RANBP17: variants seen among roughly 807,000 people sequenced by gnomAD.
RANBP17 encodes RAN binding protein 17.
In RANBP17, 158 loss-of-function variants were observed where a neutral mutation model predicts 141.2. The observed-to-expected ratio is 1.12, with a 90% CI of 0.98 to 1.28. The LOEUF (loss-of-function observed/expected upper bound fraction) is 1.28, where lower values mean the gene tolerates loss of function less well. RANBP17 is among the 50% of genes most tolerant of loss of function. The probability of loss-of-function intolerance (pLI) is 0.00; values close to 1 mark genes in which losing one functional copy is unlikely to be tolerated. For missense variants in RANBP17, 1,438 were observed against 1,290.7 expected, an observed-to-expected ratio of 1.11 and a Z score of -1.75; for synonymous variants, 430 against 450.0, an observed-to-expected ratio of 0.96 and a Z score of 0.56.
chr5:170,994,349 C>A (rs926669597), intron 14 of RANBP17, among the ~76,000 whole-genome samples: 1 of 151,972 alleles, frequency 6.6e-6, no homozygotes, highest in Admixed American at 6.6e-5. Context: ...TAATATAGTG[C>A]TGCTTATTTT....
At chr5:171,062,191 A>T (rs1783927320) in intron 14 of RANBP17, among the ~76,000 whole-genome samples, 1 of 151,908 alleles carries the variant, frequency 6.6e-6, no homozygotes, top group African/African-American at 2.4e-5. Context: ...TGTGAATTTG[A>T]TCCTGTCATT....
chr5:171,154,167 A>G (rs145839114), intron 14 of RANBP17, among the ~76,000 whole-genome samples: 63 of 150,746 alleles, frequency 4.2e-4, no homozygotes, highest in African/African-American at 1.4e-3. Context: ...CATCTTTTCT[A>G]AGAAGATAAT....
At chr5:170,974,536 T>C (rs1777223763) in intron 14 of RANBP17, among the ~76,000 whole-genome samples, 1 of 152,160 alleles carries the variant, frequency 6.6e-6, no homozygotes, top group Admixed American at 6.5e-5. Context: ...GTGGCTCTTT[T>C]AGTCTAGAGT....
At chr5:171,063,831 C>T (rs1000847674) in intron 14 of RANBP17, among the ~76,000 whole-genome samples, 11 of 152,332 alleles carry the variant, frequency 7.2e-5, no homozygotes, top group Non-Finnish European at 5.9e-5. Context: ...TCGAGCTTCC[C>T]GGCTGCTTTG....
At chr5:171,107,635 T>C (rs936964227) in intron 14 of RANBP17, among the ~76,000 whole-genome samples, 1 of 152,200 alleles carries the variant, frequency 6.6e-6, no homozygotes, top group African/African-American at 2.4e-5. Context: ...ATCATGACTC[T>C]AGTCTCTTCT....
chr5:171,055,081 C>A (rs1051020950), intron 14 of RANBP17, among the ~76,000 whole-genome samples: 2 of 152,104 alleles, frequency 1.3e-5, no homozygotes, highest in Non-Finnish European at 1.5e-5. Flanking sequence ...TCAGTGTATT[C>A]CACAACAGTA....
intron 24 of RANBP17, among the ~76,000 whole-genome samples, chr5:171,263,468 A>G (rs1035935745): frequency 2.0e-5 from 3 of 152,246 alleles, no homozygotes; most frequent in Admixed American, 2.0e-4. Flanking sequence ...TATACCAAGT[A>G]GTTGTTAGAA....
intron 24 of RANBP17, among the ~76,000 whole-genome samples, chr5:171,249,025 C>G (rs975656995): frequency 2.6e-5 from 4 of 152,190 alleles, no homozygotes; most frequent in African/African-American, 9.7e-5. Context: ...GGCACAAAGA[C>G]AGGCACGTTC....
chr5:171,144,008 A>G (rs1267928964), intron 14 of RANBP17, among the ~76,000 whole-genome samples: 3 of 152,148 alleles, frequency 2.0e-5, no homozygotes, highest in African/African-American at 7.2e-5. Context: ...ATAGTTGGGA[A>G]GGGCCAGAAC....
chr5:171,217,726 A>G (rs1194590220), intron 21 of RANBP17, among the ~76,000 whole-genome samples: 1 of 151,956 alleles, frequency 6.6e-6, no homozygotes, highest in Non-Finnish European at 1.5e-5. Context: ...TGGTATTTGT[A>G]TTTCTGTGGG....
chr5:171,110,370 G>A (rs1395282250), intron 14 of RANBP17, among the ~76,000 whole-genome samples: 1 of 151,992 alleles, frequency 6.6e-6, no homozygotes, highest in Non-Finnish European at 1.5e-5. Context: ...AACCTTGTCC[G>A]CTCTCTTCTG....
chr5:171,111,579 CCCAGACCTCCAAGA>C (rs1283648236), intron 14 of RANBP17, among the ~76,000 whole-genome samples: 1 of 152,116 alleles, frequency 6.6e-6, no homozygotes, highest in Non-Finnish European at 1.5e-5. Flanking sequence ...CAAAGTGAAA[CCCAGACCTCCAAGA>C]CCTAGCCCAA....
At chr5:170,914,043 G>A (rs1397434255) in intron 7 of RANBP17, 124 bp from the exon 8 acceptor site, 1 of 657,880 alleles carries the variant, frequency 1.5e-6, no homozygotes, top group Non-Finnish European at 2.7e-6. Flanking sequence ...TTAAAAATAG[G>A]CCTAACTGGA....
At chr5:170,943,091 T>A (rs2127478519) in intron 12 of RANBP17, among the ~76,000 whole-genome samples, 1 of 152,314 alleles carries the variant, frequency 6.6e-6, no homozygotes, top group South Asian at 2.1e-4. Flanking sequence ...AGAATCTGTC[T>A]GCCCTTTTAG....
At chr5:171,007,022 G>A (rs924238669) in intron 14 of RANBP17, among the ~76,000 whole-genome samples, 3 of 152,090 alleles carry the variant, frequency 2.0e-5, no homozygotes, top group Admixed American at 1.3e-4. Flanking sequence ...CATGCCTTCC[G>A]GGAGGTCTGG....
rs377097917 is a variant in RANBP17 at position 171,174,684 on chromosome 5, AGGCCCTCT to A, written c.1865+3400_1865+3407del. On this transcript the variant is annotated intron_variant, in intron 16 of 27. Coordinates refer to ENST00000523189, the MANE Select transcript of RANBP17 (RefSeq NM_022897.5). ...CAGAAAGGAAATTTCATTCTCTATC[AGGCCCTCT>A]GTTGGTGGTTGGCCTTTATTACATA... Among the ~76,000 whole-genome samples, 271 of 151,406 alleles carry A rather than the reference AGGCCCTCT, an allele frequency of 1.8e-3. 2 individuals carry two copies. The highest frequency in any genetic ancestry group is 6.4e-3 in the African/African-American group (263 of 41,200).
intron 14 of RANBP17, among the ~76,000 whole-genome samples, chr5:171,160,346 A>G (rs1368295558): frequency 1.3e-5 from 2 of 152,182 alleles, no homozygotes; most frequent in Non-Finnish European, 2.9e-5. Context: ...CTTAGAACAT[A>G]TATCTGTTTT....
chr5:171,203,781 CTAATT>C (rs1284164338), intron 19 of RANBP17, among the ~76,000 whole-genome samples: 3 of 152,110 alleles, frequency 2.0e-5, no homozygotes, highest in African/African-American at 7.2e-5. Flanking sequence ...TTCTTGTTGA[CTAATT>C]TAGACTTAAA....
intron 25 of RANBP17, among the ~76,000 whole-genome samples, chr5:171,291,932 C>T (rs1383882708): frequency 6.6e-6 from 1 of 152,196 alleles, no homozygotes; most frequent in African/African-American, 2.4e-5. Flanking sequence ...AATGAATACA[C>T]AGGAGAACCA....
Sources: gnomAD v4.1 joint callset for allele counts (sites outside exome capture counted in the v4.1 genomes callset) on GRCh38, gnomAD v4.1.1 for gene constraint, MANE v1.5 for transcripts, NCBI Gene and HGNC (gene_info 2026-07-23, HGNC 2026-07-21) for gene names.